Variants in FAM163A observed in about 807,000 individuals in gnomAD.
FAM163A encodes protein FAM163A.
FAM163A carries 7 observed loss-of-function variants against 12.0 expected under a neutral mutation model. The ratio of observed to expected loss-of-function variants is 0.58; its 90% CI spans 0.33 to 1.10. The LOEUF (loss-of-function observed/expected upper bound fraction) is 1.10. FAM163A is among the 50% of genes least tolerant of loss of function. FAM163A has a pLI of 0.03. For synonymous variants in FAM163A, 101 were observed against 91.0 expected, an observed-to-expected ratio of 1.11 and a Z score of -0.62; for missense variants, 202 against 218.6, an observed-to-expected ratio of 0.92 and a Z score of 0.48.
rs796293386 is a variant in FAM163A at position 179,802,835 on chromosome 1, TTG to T, written c.-135-4960_-135-4959del. On this transcript the variant is annotated intron_variant, in intron 1 of 4. Coordinates refer to ENST00000341785, the MANE Select transcript of FAM163A (RefSeq NM_173509.3). ...AATAATGAGTTGGTGCATCTCTTTT[TTG>T]TGAGCCTTTAGGGTAAACCACCTGC... Among the ~76,000 whole-genome samples the T allele has an allele frequency of 9.0e-4, 137 of 152,276 alleles. 1 individual carries two copies. Among genetic ancestry groups the T allele is most frequent in the Middle Eastern group, 3.4e-3 (1 of 294 alleles).
chr1:179,796,130 A>G (rs1692274794), intron 1 of FAM163A, among the ~76,000 whole-genome samples: 1 of 136,880 alleles, frequency 7.3e-6, no homozygotes, highest in South Asian at 2.3e-4. Flanking sequence ...AACATTCAAT[A>G]ATACACACAC....
rs1378642998 is a variant in FAM163A, at chr1:179,814,313, G to A, written c.*124G>A. ...CTGTTTCTTTGGCTTTTCTCGCTCC[G>A]CAGTGGAGGGTTTACTAGGATTTAA... On this transcript the variant is annotated 3_prime_UTR_variant, in exon 5 of 5. Transcript: ENST00000341785. The A allele has an allele frequency of 3.1e-6, 4 of 1,274,816 alleles. No homozygotes were observed. Among genetic ancestry groups the A allele is most frequent in the South Asian group, 3.0e-5 (2 of 67,414 alleles). 79.0% of individuals were successfully genotyped at this position (1,274,816 alleles called of 1,614,324 possible).
chr1:179,756,893 A>G (rs1428916788), intron 1 of FAM163A, among the ~76,000 whole-genome samples: 1 of 152,218 alleles, frequency 6.6e-6, no homozygotes, highest in Non-Finnish European at 1.5e-5. Context: ...TGGGAGGGGC[A>G]GTACGGGGGT....
chr1:179,734,596 G>A, the FAM163A span, among the ~76,000 whole-genome samples: 3 of 152,260 alleles, frequency 2.0e-5, no homozygotes, highest in Admixed American at 6.5e-5. Context: ...GTGTCCTCAC[G>A]TGCTGGATGG....
intron 1 of FAM163A, among the ~76,000 whole-genome samples, chr1:179,776,722 GTTTAA>G (rs1689037793): frequency 6.6e-6 from 1 of 152,088 alleles, no homozygotes; most frequent in Non-Finnish European, 1.5e-5. Flanking sequence ...TGTTTAATCT[GTTTAA>G]TTTAAATCTG....
the FAM163A span, among the ~76,000 whole-genome samples, chr1:179,731,195 A>T: frequency 6.6e-6 from 1 of 151,432 alleles, no homozygotes; most frequent in African/African-American, 2.5e-5. Context: ...GTATACAGTC[A>T]GGGGACAAAT....
intron 3 of FAM163A, 31 bp downstream of exon 3, chr1:179,812,162 A>G (rs1694785317): frequency 6.6e-6 from 1 of 152,610 alleles, no homozygotes; most frequent in African/African-American, 2.4e-5. Context: ...TTCCATCTCC[A>G]AGATGCCAAC....
chr1:179,743,960 G>A (rs1033023077), intron 1 of FAM163A, among the ~76,000 whole-genome samples: 2 of 152,216 alleles, frequency 1.3e-5, no homozygotes, highest in Non-Finnish European at 2.9e-5. Flanking sequence ...GACCGGCGGG[G>A]TCTGCTGGGC....
intron 1 of FAM163A, among the ~76,000 whole-genome samples, chr1:179,744,083 G>A (rs1684067959): frequency 1.3e-5 from 2 of 152,188 alleles, no homozygotes; most frequent in South Asian, 4.1e-4. Flanking sequence ...AAATAAAGAG[G>A]GCGAAGTGCC....
At chr1:179,764,868 G>A (rs61828399) in intron 1 of FAM163A, among the ~76,000 whole-genome samples, 17,381 of 152,206 alleles carry the variant, frequency 0.11, 1,101 homozygotes, top group Non-Finnish European at 0.13. Context: ...CTGTACCTCA[G>A]GAGGTTGCTG....
chr1:179,743,595 C>T (rs1269306821), intron 1 of FAM163A, among the ~76,000 whole-genome samples, 172 bp downstream of exon 1: 2 of 152,116 alleles, frequency 1.3e-5, no homozygotes, highest in Non-Finnish European at 2.9e-5. Flanking sequence ...CCTCCCTCTG[C>T]CCACCGCGCC....
Position 179,815,121 on chromosome 1 carries a change from A to G in FAM163A, c.*932A>G, listed in dbSNP as rs1413874540. 2 of 146,714 alleles carry G rather than the reference A, an allele frequency of 1.4e-5. No individual in the cohort carries two copies. The highest frequency in any genetic ancestry group is 5.1e-5 in the African/African-American group (2 of 39,428). The allele number at this position is 146,714 out of a possible 1,614,324, so 9.1% of individuals were successfully genotyped here. ...CGCGCGCGCGCGCGCACAGACACAC[A>G]CACACACACACACACACACACACAC... is the stretch of plus-strand genomic sequence containing the variant. On this transcript the variant is annotated 3_prime_UTR_variant, in exon 5 of 5. Transcript: ENST00000341785.
At chr1:179,775,550 A>G (rs963567108) in intron 1 of FAM163A, among the ~76,000 whole-genome samples, 1 of 152,164 alleles carries the variant, frequency 6.6e-6, no homozygotes, top group Non-Finnish European at 1.5e-5. Context: ...CCTCAATCGC[A>G]ATATCCCCTG....
intron 1 of FAM163A, among the ~76,000 whole-genome samples, chr1:179,800,708 C>T (rs1693043011): frequency 6.6e-6 from 1 of 152,116 alleles, no homozygotes; most frequent in Admixed American, 6.5e-5. Context: ...TTCCTTAGCG[C>T]TCAGTAAGTA....
At chr1:179,732,880 C>CAAAAAAA in the FAM163A span, among the ~76,000 whole-genome samples, 26 of 39,146 alleles carry the variant, frequency 6.6e-4, 2 homozygotes, top group Admixed American at 2.1e-3. Context: ...GACTCTGCCT[C>CAAAAAAA]AAAAAAAAAA....
At chr1:179,775,341 T>C (rs530015218) in intron 1 of FAM163A, among the ~76,000 whole-genome samples, 6 of 152,352 alleles carry the variant, frequency 3.9e-5, no homozygotes, top group African/African-American at 1.2e-4. Context: ...AAACGAAGAC[T>C]TAGTCTACAA....
At chr1:179,753,750 A>G (rs996183663) in intron 1 of FAM163A, among the ~76,000 whole-genome samples, 5 of 152,188 alleles carry the variant, frequency 3.3e-5, no homozygotes, top group Admixed American at 3.3e-4. Context: ...TGGAGGAAGA[A>G]GTTTATTTTA....
At chr1:179,791,735 C>G (rs1302586993) in intron 1 of FAM163A, among the ~76,000 whole-genome samples, 1 of 152,192 alleles carries the variant, frequency 6.6e-6, no homozygotes, top group Non-Finnish European at 1.5e-5. Context: ...TTTTTGCCCT[C>G]ACCCCTACAA....
At position 179,814,184 on chromosome 1, in the gene FAM163A, G is replaced by A; in HGVS notation, c.499G>A (p.Val167Met). 6.2e-7 allele frequency: 1 copy of A among 1,608,546 alleles called. No individual in the cohort carries two copies. The highest frequency in any genetic ancestry group is 8.5e-7 in the Non-Finnish European group (1 of 1,176,680). ...CAATCCAAGGGCTATTAGTACAGAC[G>A]TGTAAATCCTTCCACCCCGACCCGC... ...FTNPRAISTDV is the reference protein window; with the variant it reads ...FTNPRAISTDM The change falls in exon 5 of 5, where the codon GTG becomes ATG. Residue 167 changes from valine to methionine, a missense_variant. Physicochemically the swap from Val to Met is conservative, Grantham distance 21. Transcript: ENST00000341785.
Sources: gnomAD v4.1 joint callset for allele counts (sites outside exome capture counted in the v4.1 genomes callset) on GRCh38, gnomAD v4.1.1 for gene constraint, MANE v1.5 for transcripts, NCBI Gene and HGNC (gene_info 2026-07-23, HGNC 2026-07-21) for gene names.